Variants in ADAMTS19 observed in about 807,000 individuals in gnomAD.
ADAMTS19 encodes the protein A disintegrin and metalloproteinase with thrombospondin motifs 19.
In ADAMTS19, 93 loss-of-function variants were observed where a neutral mutation model predicts 153.3. The ratio of observed to expected loss-of-function variants is 0.61; its 90% confidence interval spans 0.51 to 0.72. ADAMTS19 has a LOEUF of 0.72. ADAMTS19 is among the 30% of genes least tolerant of loss of function. ADAMTS19 has a pLI of 0.00. For synonymous variants in ADAMTS19, 600 were observed against 556.6 expected, an observed-to-expected ratio of 1.08 and a Z score of -1.10; for missense variants, 1,482 against 1,552.1, an observed-to-expected ratio of 0.95 and a Z score of 0.76.
At chr5:129,713,983 G>C (rs897531685) in intron 21 of ADAMTS19, among the ~76,000 whole-genome samples, 4 of 152,082 alleles carry the variant, frequency 2.6e-5, no homozygotes, top group South Asian at 2.1e-4. Flanking sequence ...AGTAACAACA[G>C]GTTTCTTGGA....
intron 10 of ADAMTS19, among the ~76,000 whole-genome samples, chr5:129,635,118 C>T (rs555056661): frequency 1.5e-4 from 23 of 152,240 alleles, no homozygotes; most frequent in African/African-American, 4.1e-4. Context: ...AGGACGTTAA[C>T]AGACACTTCA....
In ADAMTS19 at chr5:129,677,899, A is replaced by T. The variant is rs137995992; in HGVS notation, c.2507-1865A>T. Among the ~76,000 whole-genome samples the T allele has an allele frequency of 4.2e-3, 635 of 151,888 alleles. 4 individuals carry two copies. Among genetic ancestry groups the T allele is most frequent in the East Asian group, 0.02 (103 of 5,146 alleles). The stretch of plus-strand genomic sequence containing the variant: ...ATGATCTCAGCTCACTGCAACCTCC[A>T]CCTCCTAGGTTCAAGCGATCCACCC... On this transcript the variant is annotated intron_variant, in intron 16 of 22. Transcript: ENST00000274487.
At chr5:129,562,314 A>T (rs1300327200) in intron 7 of ADAMTS19, among the ~76,000 whole-genome samples, 1 of 152,208 alleles carries the variant, frequency 6.6e-6, no homozygotes, top group Non-Finnish European at 1.5e-5. Context: ...AAATGAATAA[A>T]TGTTACTGCT....
At chr5:129,538,116 A>G (rs1752520832) in intron 6 of ADAMTS19, among the ~76,000 whole-genome samples, 1 of 151,956 alleles carries the variant, frequency 6.6e-6, no homozygotes, top group African/African-American at 2.4e-5. Context: ...ATTGCTTCTG[A>G]GACTAAAGAA....
intron 10 of ADAMTS19, among the ~76,000 whole-genome samples, chr5:129,629,085 A>G (rs30703): frequency 0.42 from 63,596 of 151,912 alleles, 14,799 homozygotes; most frequent in African/African-American, 0.63. Context: ...CAAATCTCCT[A>G]TATGGTAAGC....
chr5:129,726,461 T>C (rs1379991519), intron 21 of ADAMTS19, among the ~76,000 whole-genome samples: 1 of 152,110 alleles, frequency 6.6e-6, no homozygotes, highest in African/African-American at 2.4e-5. Flanking sequence ...GTTTCAAATA[T>C]ACATTAAATT....
At chr5:129,547,590 A>T (rs748884206) in intron 6 of ADAMTS19, among the ~76,000 whole-genome samples, 1 of 150,634 alleles carries the variant, frequency 6.6e-6, no homozygotes, top group Admixed American at 6.6e-5. Context: ...AAAGAAATAT[A>T]ACTTGGCATT....
At chr5:129,730,023 A>C (rs1439803634) in intron 21 of ADAMTS19, among the ~76,000 whole-genome samples, 1 of 152,112 alleles carries the variant, frequency 6.6e-6, no homozygotes. Flanking sequence ...AAATTTTAGG[A>C]ATAGATACTA....
intron 7 of ADAMTS19, among the ~76,000 whole-genome samples, chr5:129,573,995 C>T (rs1419773045): frequency 1.3e-5 from 2 of 151,998 alleles, no homozygotes. Context: ...ATTCATCACA[C>T]ATTTACCCAA....
At chr5:129,627,239 T>C (rs1400252840) in intron 10 of ADAMTS19, among the ~76,000 whole-genome samples, 3 of 151,558 alleles carry the variant, frequency 2.0e-5, no homozygotes, top group Non-Finnish European at 4.4e-5. Flanking sequence ...TTTAGGAAAA[T>C]GAGGAGAAAG....
chr5:129,677,997 G>T (rs1417175397), intron 16 of ADAMTS19, among the ~76,000 whole-genome samples: 3 of 152,086 alleles, frequency 2.0e-5, no homozygotes, highest in Non-Finnish European at 4.4e-5. Flanking sequence ...ATATTTTGTA[G>T]AGATGGGGTT....
At chr5:129,660,003 A>C (rs1476860397) in intron 15 of ADAMTS19, among the ~76,000 whole-genome samples, 1 of 152,228 alleles carries the variant, frequency 6.6e-6, no homozygotes, top group Non-Finnish European at 1.5e-5. Flanking sequence ...AATTAATTTT[A>C]ATACAAAGAA....
chr5:129,629,469 A>C (rs1752194631), intron 10 of ADAMTS19, among the ~76,000 whole-genome samples: 1 of 152,038 alleles, frequency 6.6e-6, no homozygotes, highest in African/African-American at 2.4e-5. Context: ...GAATCTGACA[A>C]AGGCAGTTGG....
At chr5:129,475,105 CT>C (rs201912606) in intron 2 of ADAMTS19, among the ~76,000 whole-genome samples, 382 of 142,954 alleles carry the variant, frequency 2.7e-3, no homozygotes, top group South Asian at 4.3e-3. Flanking sequence ...TCTAGTTTAT[CT>C]TTTTTTTTTT....
chr5:129,516,183 T>G (rs1422363855), intron 3 of ADAMTS19, among the ~76,000 whole-genome samples: 1 of 151,976 alleles, frequency 6.6e-6, no homozygotes, highest in Admixed American at 6.6e-5. Context: ...TGCATTCAGT[T>G]TGCTAGTATT....
intron 2 of ADAMTS19, among the ~76,000 whole-genome samples, chr5:129,484,252 A>C (rs1024012690): frequency 2.6e-5 from 4 of 152,144 alleles, no homozygotes; most frequent in Non-Finnish European, 5.9e-5. Context: ...TATAGGTAAC[A>C]CCCAGATTTC....
intron 7 of ADAMTS19, among the ~76,000 whole-genome samples, chr5:129,593,554 CT>C (rs1396347540): frequency 1.3e-5 from 2 of 152,026 alleles, no homozygotes; most frequent in Non-Finnish European, 2.9e-5. Flanking sequence ...CTACTGTATT[CT>C]TTTCTCCAAA....
intron 2 of ADAMTS19, among the ~76,000 whole-genome samples, chr5:129,483,233 G>A (rs1422184444): frequency 6.6e-6 from 1 of 152,080 alleles, no homozygotes; most frequent in African/African-American, 2.4e-5. Context: ...AGAGCAAGAA[G>A]CTCTGCCTCC....
chr5:129,714,617 T>C (rs1488920967), intron 21 of ADAMTS19, among the ~76,000 whole-genome samples: 1 of 151,990 alleles, frequency 6.6e-6, no homozygotes, highest in South Asian at 2.1e-4. Context: ...ATTTAAAGGG[T>C]GCAGACGCTA....
Sources: allele counts gnomAD v4.1 joint callset (sites outside exome capture counted in the v4.1 genomes callset), GRCh38; gene constraint gnomAD v4.1.1; transcripts MANE v1.5; gene names NCBI Gene and HGNC (gene_info 2026-07-23, HGNC 2026-07-21).